The following PRKAR1B variants were observed in gnomAD, a reference collection of about 807,000 sequenced individuals.
PRKAR1B encodes the protein cAMP-dependent protein kinase type I-beta regulatory subunit.
PRKAR1B carries 22 observed loss-of-function variants against 46.5 expected under a neutral mutation model. That is an observed-to-expected ratio of 0.47 (90% CI 0.34 to 0.68). PRKAR1B has a LOEUF of 0.68. Among genes scored for constraint, PRKAR1B ranks in the 30% least tolerant of loss-of-function variants. The pLI, the probability that PRKAR1B is intolerant of heterozygous loss-of-function variation, is 0.01. For synonymous variants in PRKAR1B, 259 were observed against 217.7 expected, an observed-to-expected ratio of 1.19 and a Z score of -1.67; for missense variants, 445 against 535.6, an observed-to-expected ratio of 0.83 and a Z score of 1.67.
intron 2 of PRKAR1B, among the ~76,000 whole-genome samples, chr7:706,037 A>G (rs944664481): frequency 6.7e-6 from 1 of 150,374 alleles, no homozygotes; most frequent in Admixed American, 6.6e-5. Flanking sequence ...GAAAAGAAAA[A>G]CAGATGAGCC....
chr7:704,140 C>G (rs1780194294), intron 2 of PRKAR1B, among the ~76,000 whole-genome samples: 1 of 151,730 alleles, frequency 6.6e-6, no homozygotes, highest in Admixed American at 6.6e-5. Context: ...AAAATTTCAC[C>G]TTAAGAAATT....
intron 2 of PRKAR1B, 148 bp downstream of exon 2, chr7:711,181 G>A (rs1432914211): frequency 1.2e-5 from 13 of 1,112,110 alleles, no homozygotes; most frequent in East Asian, 2.6e-5. Flanking sequence ...CTCTCTCCCC[G>A]CGCTTCTGGA....
chr7:689,172 G>A (rs989731687), intron 2 of PRKAR1B, among the ~76,000 whole-genome samples: 2 of 151,958 alleles, frequency 1.3e-5, no homozygotes, highest in Non-Finnish European at 2.9e-5. Flanking sequence ...CTGGAGTGCA[G>A]TGGCGCGATC....
At chr7:583,807 C>G (rs1337234414) in intron 8 of PRKAR1B, among the ~76,000 whole-genome samples, 1 of 52,916 alleles carries the variant, frequency 1.9e-5, no homozygotes, top group Non-Finnish European at 4.2e-5. Flanking sequence ...CACATGCACA[C>G]TCATGCACAC....
intron 8 of PRKAR1B, among the ~76,000 whole-genome samples, chr7:583,953 C>T (rs1780451528): frequency 1.3e-5 from 2 of 152,220 alleles, no homozygotes. Context: ...TCTTTCCTGC[C>T]AGGCCGTTAA....
intron 9 of PRKAR1B, 53 bp from the exon 10 acceptor site, chr7:551,523 GAC>G (rs1203963421): frequency 5.3e-6 from 8 of 1,522,036 alleles, no homozygotes; most frequent in African/African-American, 2.8e-5. Context: ...TGCAGGGTGG[GAC>G]ACACGTGAGG....
chr7:613,686 C>T (rs112551693), intron 4 of PRKAR1B, among the ~76,000 whole-genome samples: 1,565 of 152,280 alleles, frequency 0.01, 22 homozygotes, highest in African/African-American at 0.036. Context: ...GGCCCACCGA[C>T]CAACACGGTA....
At chr7:664,117 A>C (rs1583383180) in intron 4 of PRKAR1B, among the ~76,000 whole-genome samples, 1 of 151,644 alleles carries the variant, frequency 6.6e-6, no homozygotes. Context: ...TCCCCACGCA[A>C]CCTTCCCTTC....
intron 1 of PRKAR1B, chr7:712,502 A>G (rs1181457993): frequency 1.4e-5 from 2 of 145,738 alleles, no homozygotes; most frequent in African/African-American, 2.5e-5. Context: ...GGGTCCCCGC[A>G]CTGCAGCGGC....
Position 633,621 on chromosome 7 carries a change from GGGTGT to G in PRKAR1B, c.441-26174_441-26170del, listed in dbSNP as rs1280570180. The stretch of plus-strand genomic sequence containing the variant: ...TCTACAAAAAATTTCAAAATTAGCT[GGGTGT>G]GGTGGTGCATGCCTGTGGTCCTGAT... On this transcript the variant is annotated intron_variant, in intron 4 of 10. Transcript: ENST00000537384. Among the ~76,000 whole-genome samples, 11 of 152,208 alleles carry G rather than the reference GGGTGT, an allele frequency of 7.2e-5. No homozygotes were observed. In the East Asian group the frequency reaches 2.1e-3, roughly 29 times the overall value.
At chr7:700,818 G>T (rs1274521142) in intron 2 of PRKAR1B, among the ~76,000 whole-genome samples, 1 of 152,150 alleles carries the variant, frequency 6.6e-6, no homozygotes, top group Non-Finnish European at 1.5e-5. Flanking sequence ...CACTAGATGG[G>T]ATCATTTGCA....
chr7:641,086 G>A (rs962681634), intron 4 of PRKAR1B, among the ~76,000 whole-genome samples: 1 of 152,000 alleles, frequency 6.6e-6, no homozygotes, highest in Non-Finnish European at 1.5e-5. Context: ...CCGAGTAGCT[G>A]GGACTACAGG....
At chr7:657,263 G>A (rs1228257543) in intron 4 of PRKAR1B, among the ~76,000 whole-genome samples, 5 of 117,758 alleles carry the variant, frequency 4.2e-5, no homozygotes, top group Admixed American at 1.6e-4. Flanking sequence ...ATGAATGGAC[G>A]GACGGATGGA....
chr7:700,952 C>T (rs1780023959), intron 2 of PRKAR1B, among the ~76,000 whole-genome samples: 1 of 152,116 alleles, frequency 6.6e-6, no homozygotes, highest in Non-Finnish European at 1.5e-5. Context: ...CTTTGGGAGG[C>T]CGAGGTGGAT....
At chr7:695,948 G>A (rs1441437038) in intron 2 of PRKAR1B, among the ~76,000 whole-genome samples, 2 of 147,122 alleles carry the variant, frequency 1.4e-5, no homozygotes, top group Admixed American at 1.4e-4. Context: ...ATAGGCGTGA[G>A]CCACTGCGCC....
intron 9 of PRKAR1B, among the ~76,000 whole-genome samples, chr7:573,848 C>T (rs1779669372): frequency 6.6e-6 from 1 of 152,136 alleles, no homozygotes; most frequent in Non-Finnish European, 1.5e-5. Flanking sequence ...AGCGTCTGCC[C>T]CTCGCCGGTC....
chr7:633,139 C>T (rs1783862104), intron 4 of PRKAR1B, among the ~76,000 whole-genome samples: 2 of 152,236 alleles, frequency 1.3e-5, no homozygotes, highest in Admixed American at 6.5e-5. Flanking sequence ...TGTCAAAATC[C>T]TCCCCCAGAT....
intron 2 of PRKAR1B, among the ~76,000 whole-genome samples, chr7:701,226 A>G (rs138651766): frequency 0.041 from 6,101 of 149,136 alleles, 395 homozygotes; most frequent in African/African-American, 0.13. Flanking sequence ...AGAAGGAGGG[A>G]AGGAGGGAGG....
intron 4 of PRKAR1B, among the ~76,000 whole-genome samples, chr7:673,985 G>C (rs889038326): frequency 6.6e-6 from 1 of 152,164 alleles, no homozygotes; most frequent in Non-Finnish European, 1.5e-5. Flanking sequence ...TTCCCCTTCT[G>C]TGTGTGGCAT....
Sources: gnomAD v4.1 joint callset for allele counts (sites outside exome capture counted in the v4.1 genomes callset) on GRCh38, gnomAD v4.1.1 for gene constraint, MANE v1.5 for transcripts, NCBI Gene and HGNC (gene_info 2026-07-23, HGNC 2026-07-21) for gene names.